LRMDA: variants seen among roughly 807,000 people sequenced by gnomAD.
The protein encoded by LRMDA is leucine-rich melanocyte differentiation-associated protein.
LRMDA carries 18 observed loss-of-function variants against 29.8 expected under a neutral mutation model. The ratio of observed to expected loss-of-function variants is 0.60; its 90% CI spans 0.42 to 0.90. The LOEUF (loss-of-function observed/expected upper bound fraction) is 0.90. Ranked by LOEUF, LRMDA falls within the 40% of genes least tolerant of loss-of-function variation. The pLI, the probability that LRMDA is intolerant of heterozygous loss-of-function variation, is 0.00. For missense variants in LRMDA, 273 were observed against 273.9 expected (o/e 1.00, Z 0.02); for synonymous variants, 125 against 109.4 (o/e 1.14, Z -0.89).
chr10:75,841,851 G>C (rs1034904947), intron 2 of LRMDA, among the ~76,000 whole-genome samples: 45 of 152,218 alleles, frequency 3.0e-4, no homozygotes, highest in Non-Finnish European at 5.9e-4. Flanking sequence ...GATCATCCTA[G>C]TTAGGACATT....
intron 2 of LRMDA, among the ~76,000 whole-genome samples, chr10:75,612,561 G>C (rs948041041): frequency 9.9e-5 from 15 of 151,540 alleles, no homozygotes; most frequent in Admixed American, 6.6e-4. Context: ...GTATGATGTG[G>C]AAAGAGGCTT....
chr10:75,967,397 T>C (rs1447591053), intron 2 of LRMDA, among the ~76,000 whole-genome samples: 4 of 152,224 alleles, frequency 2.6e-5, no homozygotes, highest in Admixed American at 6.5e-5. Context: ...TTGATTATTA[T>C]AACATTAAGA....
intron 5 of LRMDA, among the ~76,000 whole-genome samples, chr10:76,294,985 T>C (rs1269815031): frequency 1.3e-5 from 2 of 152,108 alleles, no homozygotes; most frequent in African/African-American, 2.4e-5. Flanking sequence ...GAAAAACTAA[T>C]GGGGATCTTC....
chr10:76,433,377 A>C (rs1482070145), intron 6 of LRMDA, among the ~76,000 whole-genome samples: 1 of 152,190 alleles, frequency 6.6e-6, no homozygotes, highest in Non-Finnish European at 1.5e-5. Context: ...AAATGAATAT[A>C]ATAATGGGAG....
chr10:76,329,810 A>C (rs928348905), intron 6 of LRMDA, among the ~76,000 whole-genome samples: 8 of 152,250 alleles, frequency 5.3e-5, no homozygotes, highest in Non-Finnish European at 8.8e-5. Flanking sequence ...TATGCCATCC[A>C]AAAAAGAAGA....
chr10:75,508,048 CT>C (rs1282008143), intron 2 of LRMDA, among the ~76,000 whole-genome samples: 1 of 152,206 alleles, frequency 6.6e-6, no homozygotes, highest in East Asian at 1.9e-4. Flanking sequence ...AACTCTTTCG[CT>C]GTCTAGAGCT....
intron 2 of LRMDA, among the ~76,000 whole-genome samples, chr10:75,783,746 G>A (rs1053912692): frequency 6.6e-6 from 1 of 152,170 alleles, no homozygotes; most frequent in Non-Finnish European, 1.5e-5. Flanking sequence ...AGCAATCTAG[G>A]TGAAAGCGCC....
chr10:75,652,394 C>G (rs1317524676), intron 2 of LRMDA, among the ~76,000 whole-genome samples: 1 of 152,176 alleles, frequency 6.6e-6, no homozygotes, highest in Non-Finnish European at 1.5e-5. Context: ...AGACACTCAG[C>G]CTCTGCCAGG....
chr10:76,239,269 C>T (rs1852223847), intron 5 of LRMDA, among the ~76,000 whole-genome samples: 1 of 152,136 alleles, frequency 6.6e-6, no homozygotes, highest in Non-Finnish European at 1.5e-5. Flanking sequence ...TCAGCCCAGA[C>T]ATCAGGTCAT....
At chr10:76,151,370 T>G (rs545749895) in intron 5 of LRMDA, among the ~76,000 whole-genome samples, 2 of 152,314 alleles carry the variant, frequency 1.3e-5, no homozygotes, top group East Asian at 3.9e-4. Context: ...CCCACAGCCA[T>G]CCCTCAGTTA....
intron 2 of LRMDA, among the ~76,000 whole-genome samples, chr10:75,933,381 A>G (rs1564610870): frequency 6.6e-6 from 1 of 152,176 alleles, no homozygotes. Flanking sequence ...CCCTACACCT[A>G]TGTTTGGATG....
intron 2 of LRMDA, among the ~76,000 whole-genome samples, chr10:75,673,269 C>G (rs1466746694): frequency 6.6e-6 from 1 of 152,158 alleles, no homozygotes; most frequent in Non-Finnish European, 1.5e-5. Context: ...CCTTATCCAC[C>G]TAAAATGCGA....
At chr10:76,435,223 T>C (rs754791917) in intron 6 of LRMDA, among the ~76,000 whole-genome samples, 1 of 152,190 alleles carries the variant, frequency 6.6e-6, no homozygotes, top group Non-Finnish European at 1.5e-5. Context: ...ATGAGAACAC[T>C]GAGGCTCTGG....
At chr10:75,432,260 A>T (rs1248861023) in intron 1 of LRMDA, among the ~76,000 whole-genome samples, 1 of 152,266 alleles carries the variant, frequency 6.6e-6, no homozygotes, top group Non-Finnish European at 1.5e-5. Context: ...GTCCCAGCAC[A>T]TCCCTGGAGA....
At chr10:75,672,568 T>C (rs75759733) in intron 2 of LRMDA, among the ~76,000 whole-genome samples, 221 of 2,840 alleles carry the variant, frequency 0.078, 15 homozygotes, top group Non-Finnish European at 0.1. Context: ...CCCCTCCCCT[T>C]CCCTTCCCTT....
At chr10:76,445,479 G>T (rs997995702) in intron 6 of LRMDA, among the ~76,000 whole-genome samples, 2 of 152,138 alleles carry the variant, frequency 1.3e-5, no homozygotes, top group Non-Finnish European at 2.9e-5. Context: ...ATGTTTATTT[G>T]TCTGTTACCT....
chr10:75,885,098 A>G (rs1043013839), intron 2 of LRMDA, among the ~76,000 whole-genome samples: 1 of 152,240 alleles, frequency 6.6e-6, no homozygotes, highest in Admixed American at 6.5e-5. Context: ...CTGGGGGATG[A>G]CAGTAGTTCG....
At chr10:76,101,993 G>T (rs1057322804) in intron 5 of LRMDA, among the ~76,000 whole-genome samples, 6 of 152,074 alleles carry the variant, frequency 3.9e-5, no homozygotes, top group Non-Finnish European at 8.8e-5. Flanking sequence ...ATATGATTAT[G>T]AAGTTTATAT....
chr10:75,900,420 G>A (rs1845651308), intron 2 of LRMDA, among the ~76,000 whole-genome samples: 1 of 152,136 alleles, frequency 6.6e-6, no homozygotes, highest in South Asian at 2.1e-4. Flanking sequence ...TTAAAAAGGA[G>A]GTGTTTATGG....
Sources: gnomAD v4.1 joint callset for allele counts (sites outside exome capture counted in the v4.1 genomes callset) on GRCh38, gnomAD v4.1.1 for gene constraint, MANE v1.5 for transcripts, NCBI Gene and HGNC (gene_info 2026-07-23, HGNC 2026-07-21) for gene names.